Variants in AFF3 observed in about 807,000 individuals in gnomAD.
AFF3 encodes the protein AF4/FMR2 family member 3.
AFF3 carries 32 observed loss-of-function variants against 129.7 expected under a neutral mutation model. That is an observed-to-expected ratio of 0.25 (90% confidence interval 0.19 to 0.33). The LOEUF is 0.33. AFF3 is among the 10% of genes least tolerant of loss of function. AFF3 has a pLI of 1.00. For synonymous variants in AFF3, 644 were observed against 635.4 expected, an observed-to-expected ratio of 1.01 and a Z score of -0.20; for missense variants, 1,373 against 1,592.0, an observed-to-expected ratio of 0.86 and a Z score of 2.34.
At chr2:100,066,273 A>C (rs1687707218) in intron 4 of AFF3, among the ~76,000 whole-genome samples, 1 of 152,228 alleles carries the variant, frequency 6.6e-6, no homozygotes, top group Admixed American at 6.5e-5. Context: ...TAAAACTTCC[A>C]TATGACATTA....
intron 13 of AFF3, among the ~76,000 whole-genome samples, chr2:99,629,863 T>C (rs1682962468): frequency 6.6e-6 from 1 of 152,200 alleles, no homozygotes; most frequent in Non-Finnish European, 1.5e-5. Context: ...CCTACCCTTA[T>C]GACCTCACCT....
intron 11 of AFF3, among the ~76,000 whole-genome samples, chr2:99,685,231 C>T (rs185279946): frequency 1.3e-3 from 192 of 152,246 alleles, no homozygotes; most frequent in Admixed American, 2.8e-3. Flanking sequence ...CTGAGCCACC[C>T]CCCTGGCCTT....
At chr2:99,616,023 A>G (rs1309134044) in intron 13 of AFF3, among the ~76,000 whole-genome samples, 1 of 152,208 alleles carries the variant, frequency 6.6e-6, no homozygotes, top group Non-Finnish European at 1.5e-5. Context: ...CTCAGAGGTT[A>G]GATTCCCAGG....
At chr2:99,917,481 T>C (rs1301371706) in intron 7 of AFF3, among the ~76,000 whole-genome samples, 1 of 152,190 alleles carries the variant, frequency 6.6e-6, no homozygotes, top group Non-Finnish European at 1.5e-5. Flanking sequence ...CCCCTTTTTG[T>C]GTGAGTTCTG....
chr2:99,581,031 C>A (rs1438134285), intron 17 of AFF3, among the ~76,000 whole-genome samples: 1 of 152,214 alleles, frequency 6.6e-6, no homozygotes, highest in Non-Finnish European at 1.5e-5. Flanking sequence ...GTGAATCATG[C>A]ATGTGTGTGA....
intron 11 of AFF3, among the ~76,000 whole-genome samples, chr2:99,698,806 T>C (rs1456238161): frequency 6.6e-6 from 1 of 152,212 alleles, no homozygotes; most frequent in Non-Finnish European, 1.5e-5. Flanking sequence ...TTTTACTGTA[T>C]TAGTTAATCA....
At chr2:100,062,819 GA>G (rs1468823517) in intron 4 of AFF3, among the ~76,000 whole-genome samples, 4 of 152,172 alleles carry the variant, frequency 2.6e-5, no homozygotes, top group African/African-American at 9.7e-5. Flanking sequence ...AGGAGTGAGA[GA>G]AAGAACAGAT....
intron 4 of AFF3, among the ~76,000 whole-genome samples, chr2:100,065,795 C>CG (rs1477336456): frequency 2.0e-5 from 3 of 152,196 alleles, no homozygotes; most frequent in Admixed American, 6.5e-5. Flanking sequence ...ATAAGCTCAT[C>CG]AATCAGCAAT....
intron 13 of AFF3, among the ~76,000 whole-genome samples, chr2:99,625,276 C>G (rs1682434463): frequency 6.6e-6 from 1 of 152,134 alleles, no homozygotes; most frequent in Non-Finnish European, 1.5e-5. Flanking sequence ...AGGCAAAATA[C>G]AGGGCACCCC....
chr2:100,140,172 T>C (rs1252997337), intron 1 of AFF3, among the ~76,000 whole-genome samples: 1 of 152,166 alleles, frequency 6.6e-6, no homozygotes, highest in Non-Finnish European at 1.5e-5. Flanking sequence ...GTGAACTCTG[T>C]AGGACAGGAC....
At chr2:99,751,432 G>A (rs1037467258) in intron 9 of AFF3, among the ~76,000 whole-genome samples, 4 of 152,036 alleles carry the variant, frequency 2.6e-5, no homozygotes, top group East Asian at 1.9e-4. Context: ...GATACATATT[G>A]TTGAAAAAAA....
chr2:100,128,819 T>C (rs1475813163), intron 2 of AFF3, among the ~76,000 whole-genome samples: 1 of 152,234 alleles, frequency 6.6e-6, no homozygotes, highest in Non-Finnish European at 1.5e-5. Context: ...AGTTGTTGAC[T>C]ACATGTCTAA....
At chr2:99,611,282 T>C (rs1438288062) in intron 13 of AFF3, among the ~76,000 whole-genome samples, 2 of 152,214 alleles carry the variant, frequency 1.3e-5, no homozygotes, top group African/African-American at 2.4e-5. Flanking sequence ...AATTACAACA[T>C]CTGTGTTGGT....
chr2:99,888,274 T>G (rs1266323314), intron 7 of AFF3, among the ~76,000 whole-genome samples: 1 of 152,226 alleles, frequency 6.6e-6, no homozygotes, highest in African/African-American at 2.4e-5. Flanking sequence ...TAAAGAGAGC[T>G]CATCTATAAA....
At chr2:99,842,692 G>A (rs1193379434) in intron 7 of AFF3, among the ~76,000 whole-genome samples, 10 of 152,140 alleles carry the variant, frequency 6.6e-5, no homozygotes, top group Non-Finnish European at 1.5e-4. Flanking sequence ...TGTACATGCC[G>A]CACACTGCCA....
intron 18 of AFF3, among the ~76,000 whole-genome samples, chr2:99,571,174 G>C (rs1312355151): frequency 1.3e-5 from 2 of 152,294 alleles, no homozygotes; most frequent in East Asian, 3.9e-4. Flanking sequence ...GCTTAGAAAA[G>C]AGTGGTGCCT....
At chr2:99,726,363 T>C (rs1679362646) in intron 11 of AFF3, among the ~76,000 whole-genome samples, 1 of 152,164 alleles carries the variant, frequency 6.6e-6, no homozygotes. Context: ...AGAAAACACA[T>C]GCCACTGCTC....
chr2:99,972,088 G>A (rs956536042), intron 7 of AFF3, among the ~76,000 whole-genome samples: 1 of 152,224 alleles, frequency 6.6e-6, no homozygotes, highest in African/African-American at 2.4e-5. Flanking sequence ...CAGATGGCTA[G>A]TGGTTCTAAG....
intron 7 of AFF3, among the ~76,000 whole-genome samples, chr2:99,900,974 C>A (rs1298689375): frequency 6.6e-6 from 1 of 152,252 alleles, no homozygotes; most frequent in African/African-American, 2.4e-5. Context: ...GGATTAGCCA[C>A]AGGCTCGTAA....
Sources: gnomAD v4.1 joint callset for allele counts (sites outside exome capture counted in the v4.1 genomes callset) on GRCh38, gnomAD v4.1.1 for gene constraint, MANE v1.5 for transcripts, NCBI Gene and HGNC (gene_info 2026-07-23, HGNC 2026-07-21) for gene names.